Variants in GNA14 observed in about 807,000 individuals in gnomAD.
The protein encoded by GNA14 is guanine nucleotide-binding protein subunit alpha-14.
Under a neutral mutation model 42.0 loss-of-function variants are expected in GNA14, and 50 were observed. The ratio of observed to expected loss-of-function variants is 1.19; its 90% CI spans 0.95 to 1.51. The LOEUF (loss-of-function observed/expected upper bound fraction) is 1.51, where lower values mean the gene tolerates loss of function less well. Ranked by LOEUF, GNA14 falls within the 40% of genes most tolerant of loss-of-function variation. The pLI is 0.00. For missense variants in GNA14, 473 were observed against 446.2 expected (o/e 1.06, Z -0.54); for synonymous variants, 173 against 163.1 (o/e 1.06, Z -0.46).
At chr9:77,578,501 C>T (rs899965436) in intron 1 of GNA14, among the ~76,000 whole-genome samples, 2 of 151,996 alleles carry the variant, frequency 1.3e-5, no homozygotes, top group Admixed American at 6.6e-5. Flanking sequence ...GGAATAGATA[C>T]AATATTGAAA....
At chr9:77,581,958 T>TA (rs1412844994) in intron 1 of GNA14, among the ~76,000 whole-genome samples, 1 of 152,202 alleles carries the variant, frequency 6.6e-6, no homozygotes, top group Non-Finnish European at 1.5e-5. Context: ...TCTCAACTCT[T>TA]AAATTGTAAC....
intron 1 of GNA14, among the ~76,000 whole-genome samples, chr9:77,631,202 T>C (rs73463805): frequency 0.017 from 2,614 of 152,262 alleles, 87 homozygotes; most frequent in African/African-American, 0.06. Flanking sequence ...TGGTAAAATA[T>C]GGCTGCTGCA....
chr9:77,609,706 A>G (rs1823700056), intron 1 of GNA14, among the ~76,000 whole-genome samples: 1 of 152,206 alleles, frequency 6.6e-6, no homozygotes, highest in Non-Finnish European at 1.5e-5. Flanking sequence ...TCAGGCAGCC[A>G]TCACGCCTTA....
intron 1 of GNA14, among the ~76,000 whole-genome samples, chr9:77,624,851 CA>C (rs1823988670): frequency 6.6e-6 from 1 of 151,848 alleles, no homozygotes; most frequent in Non-Finnish European, 1.5e-5. Context: ...TCTTCTCTTC[CA>C]AAGGATCACA....
chr9:77,514,023 A>C (rs887864532), intron 2 of GNA14, among the ~76,000 whole-genome samples: 1 of 151,566 alleles, frequency 6.6e-6, no homozygotes, highest in African/African-American at 2.4e-5. Context: ...AGTCATTGTC[A>C]CAGACTTAAC....
intron 2 of GNA14, among the ~76,000 whole-genome samples, chr9:77,447,219 C>T (rs111486967): frequency 1.7e-4 from 26 of 152,304 alleles, no homozygotes; most frequent in Admixed American, 1.1e-3. Context: ...GCTGGGATTA[C>T]AGGCGTGAGC....
chr9:77,628,421 T>A (rs1022534571), intron 1 of GNA14, among the ~76,000 whole-genome samples: 1 of 152,092 alleles, frequency 6.6e-6, no homozygotes, highest in Non-Finnish European at 1.5e-5. Flanking sequence ...AAAGAGCCCA[T>A]ATAGCCAATA....
chr9:77,630,524 T>C (rs959870889), intron 1 of GNA14, among the ~76,000 whole-genome samples: 1 of 152,190 alleles, frequency 6.6e-6, no homozygotes, highest in African/African-American at 2.4e-5. Flanking sequence ...CTTGGGTTTT[T>C]AAAATGTGTA....
At chr9:77,445,490 A>C (rs1357750591) in intron 2 of GNA14, among the ~76,000 whole-genome samples, 1 of 149,920 alleles carries the variant, frequency 6.7e-6, no homozygotes, top group African/African-American at 2.5e-5. Flanking sequence ...AGGCTGAAGG[A>C]TCATTTGAAG....
intron 2 of GNA14, among the ~76,000 whole-genome samples, chr9:77,471,241 T>G (rs1380005257): frequency 6.6e-6 from 1 of 152,162 alleles, no homozygotes; most frequent in Non-Finnish European, 1.5e-5. Flanking sequence ...TGCTATGGAA[T>G]CTGGGCTCAA....
At chr9:77,495,486 C>G (rs1587799091) in intron 2 of GNA14, among the ~76,000 whole-genome samples, 1 of 152,236 alleles carries the variant, frequency 6.6e-6, no homozygotes, top group Non-Finnish European at 1.5e-5. Context: ...AGCTGCCAGA[C>G]CAGGTACATG....
chr9:77,525,992 C>CA (rs1339385073), intron 2 of GNA14, among the ~76,000 whole-genome samples: 1 of 151,700 alleles, frequency 6.6e-6, no homozygotes, highest in Non-Finnish European at 1.5e-5. Context: ...ACCTCCACCT[C>CA]ACAGACTCAA....
intron 2 of GNA14, among the ~76,000 whole-genome samples, chr9:77,474,088 T>A (rs1836377228): frequency 6.6e-6 from 1 of 152,160 alleles, no homozygotes; most frequent in Non-Finnish European, 1.5e-5. Context: ...TTTTTGACCT[T>A]TGGTTAGGCA....
chr9:77,617,414 CA>C (rs1227139619), intron 1 of GNA14, among the ~76,000 whole-genome samples: 6 of 152,136 alleles, frequency 3.9e-5, no homozygotes, highest in Admixed American at 3.9e-4. Flanking sequence ...GGCCATCTAC[CA>C]ATACATCCAA....
At position 77,423,930 on chromosome 9, in the gene GNA14, AGTTTGCAAATCACATCTTCTGT is replaced by A. The variant is rs1835412447; in HGVS notation, c.*27_*48del. ...AGAAGCACTTGCAAATAAAACAAGG[AGTTTGCAAATCACATCTTCTGT>A]TATAGGGGAGGAGTGGGCAGCAGCT... On this transcript the variant is annotated 3_prime_UTR_variant, in exon 7 of 7. Coordinates refer to ENST00000341700, the MANE Select transcript of GNA14 (RefSeq NM_004297.4). 7.5e-7 allele frequency: 1 copy of A among 1,331,762 alleles called. No homozygotes were observed. The allele number at this position is 1,331,762 out of a possible 1,614,324, so 82.5% of individuals were successfully genotyped here.
rs563559126 is a variant in GNA14, at chr9:77,453,851, G to A, written c.310-19329C>T. ...ATGAGTTTCCAAAGAGCAGCTTTAC[G>A]ATACACTACTTGCCAAATACATATA... On this transcript the variant is annotated intron_variant, in intron 2 of 6. Transcript: ENST00000341700. Among the ~76,000 whole-genome samples, 4 of 152,288 alleles carry A rather than the reference G, an allele frequency of 2.6e-5. 1 individual carries two copies. Among genetic ancestry groups the A allele is most frequent in the South Asian group, 4.1e-4 (2 of 4,824 alleles).
At chr9:77,645,615 A>C (rs956854570) in intron 1 of GNA14, among the ~76,000 whole-genome samples, 1 of 152,214 alleles carries the variant, frequency 6.6e-6, no homozygotes, top group African/African-American at 2.4e-5. Flanking sequence ...CTGGGAAGAT[A>C]AAGAAGACCC....
At chr9:77,542,911 G>A (rs997617286) in intron 1 of GNA14, among the ~76,000 whole-genome samples, 1 of 152,186 alleles carries the variant, frequency 6.6e-6, no homozygotes, top group Non-Finnish European at 1.5e-5. Flanking sequence ...GAGTTCAGGT[G>A]ATGGTGCTGA....
intron 2 of GNA14, among the ~76,000 whole-genome samples, chr9:77,474,344 T>G (rs955307824): frequency 2.6e-5 from 4 of 152,178 alleles, no homozygotes; most frequent in African/African-American, 9.6e-5. Flanking sequence ...GAAAAAAATT[T>G]GATTAGGCAT....
Sources: gnomAD v4.1 joint callset for allele counts (sites outside exome capture counted in the v4.1 genomes callset) on GRCh38, gnomAD v4.1.1 for gene constraint, MANE v1.5 for transcripts, NCBI Gene and HGNC (gene_info 2026-07-23, HGNC 2026-07-21) for gene names.